The following RALB variants were observed in gnomAD, a reference collection of about 807,000 sequenced individuals.
RALB encodes the protein RAS like proto-oncogene B, also known as ras-related protein Ral-B.
RALB carries 16 observed loss-of-function variants against 21.3 expected under a neutral mutation model. The ratio of observed to expected loss-of-function variants is 0.75; its 90% confidence interval spans 0.51 to 1.14. The LOEUF (loss-of-function observed/expected upper bound fraction) is 1.14. Ranked by LOEUF, RALB falls within the 50% of genes most tolerant of loss-of-function variation. RALB has a pLI of 0.00. For missense variants in RALB, 161 were observed against 256.2 expected, an observed-to-expected ratio of 0.63 and a Z score of 2.54; for synonymous variants, 93 against 96.1, an observed-to-expected ratio of 0.97 and a Z score of 0.19.
intron 1 of RALB, chr2:120,253,475 G>C: frequency 6.1e-6 from 6 of 985,868 alleles, no homozygotes; most frequent in Non-Finnish European, 7.2e-6. Context: ...TTGCAAATGA[G>C]CATAAAGTTG....
At chr2:120,276,256 A>G (rs193007952) in intron 1 of RALB, among the ~76,000 whole-genome samples, 100 of 152,290 alleles carry the variant, frequency 6.6e-4, no homozygotes, top group Non-Finnish European at 4.7e-4. Context: ...CTGATCTTCC[A>G]GGCTGCTCTT....
chr2:120,245,086 T>C (rs545470018), intron 1 of RALB, among the ~76,000 whole-genome samples: 1 of 152,326 alleles, frequency 6.6e-6, no homozygotes, highest in African/African-American at 2.4e-5. Flanking sequence ...TGGCTGCTGG[T>C]GCCTGGCACA....
intron 1 of RALB, among the ~76,000 whole-genome samples, chr2:120,265,539 T>TAG (rs1689481027): frequency 6.6e-6 from 1 of 152,228 alleles, no homozygotes; most frequent in African/African-American, 2.4e-5. Flanking sequence ...TCTCCCTCTT[T>TAG]AGTGAGCTTT....
In RALB at chr2:120,294,621, T is replaced by C. The variant is rs1690379999; in HGVS notation, c.*1361T>C. 1.1e-5 allele frequency: 2 copies of C among 183,466 alleles called. No individual in the cohort carries two copies. Among genetic ancestry groups the C allele is most frequent in the Non-Finnish European group, 2.2e-5 (2 of 89,208 alleles). The allele number at this position is 183,466 out of a possible 1,614,324, so 11.4% of individuals were successfully genotyped here. ...GAATTTATGATTGTCACAGAGATGGTAGAAATTATGATCTGACTGGAAAAC... is the reference window on the plus strand; with the variant it reads ...GAATTTATGATTGTCACAGAGATGGCAGAAATTATGATCTGACTGGAAAAC... On this transcript the variant is annotated 3_prime_UTR_variant, in exon 5 of 5. Transcript: ENST00000272519.
At chr2:120,260,528 A>ATG (rs1390853539) in intron 1 of RALB, among the ~76,000 whole-genome samples, 1 of 152,200 alleles carries the variant, frequency 6.6e-6, no homozygotes, top group African/African-American at 2.4e-5. Context: ...ACTGGGCTGT[A>ATG]TGTGGTGCAG....
intron 1 of RALB, among the ~76,000 whole-genome samples, chr2:120,267,836 G>A (rs1689540866): frequency 6.6e-6 from 1 of 152,176 alleles, no homozygotes; most frequent in African/African-American, 2.4e-5. Flanking sequence ...GAGTTTGCCA[G>A]GTTGGAGTGC....
At chr2:120,243,897 C>T (rs1251088097) in intron 1 of RALB, among the ~76,000 whole-genome samples, 1 of 152,136 alleles carries the variant, frequency 6.6e-6, no homozygotes, top group Non-Finnish European at 1.5e-5. Flanking sequence ...CAGACATTGG[C>T]TGTATTAGTC....
upstream of RALB, among the ~76,000 whole-genome samples, chr2:120,252,146 T>C (rs1689068867): frequency 1.3e-5 from 2 of 150,834 alleles, no homozygotes. Context: ...AGGAGGTGGT[T>C]AGGAAGGAAA....
chr2:120,270,747 C>A (rs1393196549), intron 1 of RALB, among the ~76,000 whole-genome samples: 1 of 152,172 alleles, frequency 6.6e-6, no homozygotes, highest in Admixed American at 6.5e-5. Flanking sequence ...CGAAGCAGAG[C>A]CCTTCCTTCT....
intron 1 of RALB, among the ~76,000 whole-genome samples, chr2:120,263,803 T>A (rs995852773): frequency 2.6e-5 from 4 of 152,266 alleles, no homozygotes; most frequent in Non-Finnish European, 4.4e-5. Context: ...GTGCTGGGAT[T>A]ATAGGCATGA....
intron 1 of RALB, among the ~76,000 whole-genome samples, chr2:120,277,489 ATG>A (rs1468150494): frequency 2.8e-5 from 4 of 140,722 alleles, no homozygotes; most frequent in Non-Finnish European, 4.6e-5. Context: ...ATGAACATGT[ATG>A]TGTGGTATGA....
chr2:120,259,001 C>T (rs980674624), intron 1 of RALB, among the ~76,000 whole-genome samples: 9 of 152,022 alleles, frequency 5.9e-5, no homozygotes, highest in African/African-American at 1.2e-4. Flanking sequence ...CAGACCTTCG[C>T]GGTGAGTGTT....
chr2:120,269,263 A>T (rs932496141), intron 1 of RALB, among the ~76,000 whole-genome samples: 4 of 152,186 alleles, frequency 2.6e-5, no homozygotes, highest in African/African-American at 9.7e-5. Flanking sequence ...CGGTGGGTTC[A>T]TGGTCTCACT....
chr2:120,270,193 C>T (rs925540921), intron 1 of RALB, among the ~76,000 whole-genome samples: 1 of 152,066 alleles, frequency 6.6e-6, no homozygotes, highest in Non-Finnish European at 1.5e-5. Context: ...TCTTATAATT[C>T]TCCTTTGCTT....
At chr2:120,280,119 C>T (rs1460873584) in intron 2 of RALB, among the ~76,000 whole-genome samples, 1 of 152,164 alleles carries the variant, frequency 6.6e-6, no homozygotes, top group African/African-American at 2.4e-5. Flanking sequence ...TGTGTGAGAG[C>T]TAGAAGCTAG....
In RALB at chr2:120,291,850, G is replaced by GAGCT. The variant is rs1436438463; in HGVS notation, c.502-1288_502-1285dup. 8.5e-5 allele frequency among the ~76,000 whole-genome samples: 13 copies of GAGCT among 152,198 alleles called. No individual in the cohort carries two copies. In the East Asian group the frequency reaches 2.3e-3, roughly 27 times the overall value. On this transcript the variant is annotated intron_variant, in intron 4 of 4. Coordinates refer to ENST00000272519, the MANE Select transcript of RALB (RefSeq NM_002881.3). ...GGTTGGGGGTGCTTTTCTGTGCCTG[G>GAGCT]AGCTAGTGGTAAATGCATGTGGAGC...
intron 1 of RALB, among the ~76,000 whole-genome samples, chr2:120,266,445 A>G (rs1007494358): frequency 6.6e-6 from 1 of 151,860 alleles, no homozygotes; most frequent in African/African-American, 2.4e-5. Flanking sequence ...CAGTTTCACT[A>G]TGTTGGTTGG....
intron 1 of RALB, among the ~76,000 whole-genome samples, chr2:120,245,602 A>T (rs1688957457): frequency 6.6e-6 from 1 of 152,140 alleles, no homozygotes; most frequent in Non-Finnish European, 1.5e-5. Context: ...CCCTGCAGGA[A>T]CCAGGAGGCC....
At chr2:120,252,703 GCCGC>G (rs930908136), upstream of RALB, 1 of 896,936 alleles carries the variant, frequency 1.1e-6, no homozygotes, top group Non-Finnish European at 1.3e-6. Context: ...CTCCTCCCCG[GCCGC>G]CCGCTGCTTG....
Sources: allele counts gnomAD v4.1 joint callset (sites outside exome capture counted in the v4.1 genomes callset), GRCh38; gene constraint gnomAD v4.1.1; transcripts MANE v1.5; gene names NCBI Gene and HGNC (gene_info 2026-07-23, HGNC 2026-07-21).